ATP8A2: variants seen among roughly 807,000 people sequenced by gnomAD.
The protein encoded by ATP8A2 is phospholipid-transporting ATPase IB.
In ATP8A2, 100 loss-of-function variants were observed where a neutral mutation model predicts 165.6. That is an observed-to-expected ratio of 0.60 (90% CI 0.51 to 0.71). ATP8A2 has a LOEUF of 0.71. Ranked by LOEUF, ATP8A2 falls within the 30% of genes least tolerant of loss-of-function variation. The probability of loss-of-function intolerance (pLI) is 0.00; values close to 1 mark genes in which losing one functional copy is unlikely to be tolerated. For missense variants in ATP8A2, 1,227 were observed against 1,479.5 expected (o/e 0.83, Z 2.80); for synonymous variants, 543 against 548.8 (o/e 0.99, Z 0.15).
intron 1 of ATP8A2, among the ~76,000 whole-genome samples, chr13:25,456,820 C>G (rs938154117): frequency 4.6e-5 from 7 of 152,162 alleles, no homozygotes; most frequent in Admixed American, 2.6e-4. Context: ...TCTGCTTGAG[C>G]CTTTTTGCCT....
intron 33 of ATP8A2, among the ~76,000 whole-genome samples, chr13:25,933,389 A>G (rs1353312409): frequency 1.3e-5 from 2 of 152,222 alleles, no homozygotes; most frequent in Non-Finnish European, 2.9e-5. Flanking sequence ...CCCCAGACAT[A>G]TCACCTAATC....
chr13:25,789,690 C>T (rs556597284), intron 27 of ATP8A2, among the ~76,000 whole-genome samples: 10 of 152,154 alleles, frequency 6.6e-5, no homozygotes, highest in South Asian at 4.1e-4. Context: ...TCCTGTCAAA[C>T]GACAAGTGAC....
chr13:25,503,860 G>A (rs926633299), intron 2 of ATP8A2, among the ~76,000 whole-genome samples: 1 of 152,086 alleles, frequency 6.6e-6, no homozygotes, highest in African/African-American at 2.4e-5. Context: ...ATGTGTGTGC[G>A]CACACACTGG....
At chr13:25,409,454 A>G (rs9511787) in intron 1 of ATP8A2, among the ~76,000 whole-genome samples, 37,322 of 152,134 alleles carry the variant, frequency 0.25, 5,750 homozygotes, top group Non-Finnish European at 0.33. Flanking sequence ...AGACATGGCA[A>G]AACAGGTAAC....
At chr13:25,772,035 C>A (rs552800329) in intron 26 of ATP8A2, among the ~76,000 whole-genome samples, 24 of 152,276 alleles carry the variant, frequency 1.6e-4, no homozygotes, top group Admixed American at 1.3e-3. Flanking sequence ...GGGAAAGTTA[C>A]GAAGTGGGCA....
intron 25 of ATP8A2, among the ~76,000 whole-genome samples, chr13:25,736,823 T>C (rs552641087): frequency 6.6e-6 from 1 of 152,076 alleles, no homozygotes; most frequent in African/African-American, 2.4e-5. Context: ...TGTGAGGGGG[T>C]GTCCTGTGTG....
At chr13:25,964,566 C>G (rs541249589) in intron 34 of ATP8A2, among the ~76,000 whole-genome samples, 91 of 152,332 alleles carry the variant, frequency 6.0e-4, no homozygotes, top group African/African-American at 2.1e-3. Context: ...CTGTTGGCTT[C>G]TTCTTCCCAT....
chr13:25,543,462 G>A, intron 10 of ATP8A2, 60 bp downstream of exon 10: 1 of 1,141,548 alleles, frequency 8.8e-7, no homozygotes. Flanking sequence ...TTGACTAGAA[G>A]GTGGAAAATG....
intron 33 of ATP8A2, among the ~76,000 whole-genome samples, chr13:25,882,384 G>A (rs1208926342): frequency 6.6e-6 from 1 of 152,132 alleles, no homozygotes; most frequent in Non-Finnish European, 1.5e-5. Context: ...TTTCCAGGGG[G>A]TTACAATGAG....
chr13:25,595,884 G>A (rs1472395431), intron 24 of ATP8A2, among the ~76,000 whole-genome samples: 3 of 152,124 alleles, frequency 2.0e-5, no homozygotes. Context: ...AAGGGATTTG[G>A]ATTCATTCAA....
At chr13:25,761,159 A>G (rs545349513) in intron 25 of ATP8A2, among the ~76,000 whole-genome samples, 9 of 152,340 alleles carry the variant, frequency 5.9e-5, no homozygotes, top group African/African-American at 2.2e-4. Flanking sequence ...GGTGGATGTT[A>G]TCAAAACATA....
At chr13:25,973,704 A>G (rs1566316865) in intron 35 of ATP8A2, among the ~76,000 whole-genome samples, 1 of 152,236 alleles carries the variant, frequency 6.6e-6, no homozygotes, top group Non-Finnish European at 1.5e-5. Flanking sequence ...ACTGTTTAGT[A>G]TCATCACACC....
At chr13:25,504,295 T>G (rs754403468) in intron 2 of ATP8A2, among the ~76,000 whole-genome samples, 42 of 152,198 alleles carry the variant, frequency 2.8e-4, no homozygotes, top group Non-Finnish European at 4.4e-4. Context: ...TTTGAAGAGA[T>G]AGAACTGATT....
In ATP8A2 at chr13:25,883,418, C is replaced by CA. The variant is rs374363954; in HGVS notation, c.3183+21017dup. Among the ~76,000 whole-genome samples, 335 of 151,638 alleles carry CA rather than the reference C, an allele frequency of 2.2e-3. 1 individual carries two copies. Among genetic ancestry groups the CA allele is most frequent in the African/African-American group, 7.3e-3 (302 of 41,376 alleles). ...GGGCAACAAGAGTGAAACTCCATCT[C>CA]AAAAAAAGGAAAAAAAGGAGAAAAT... On this transcript the variant is annotated intron_variant, in intron 33 of 36. Transcript: ENST00000381655.
rs74037416 is a variant in ATP8A2, at chr13:25,737,334, C to T, written c.2385-31712C>T. Among the ~76,000 whole-genome samples the T allele has an allele frequency of 2.0e-3, 302 of 152,236 alleles. 1 individual carries two copies. Among genetic ancestry groups the T allele is most frequent in the Middle Eastern group, 0.017 (5 of 294 alleles). ...ATTTTTTACTTTAGCCACCTGGACC[C>T]CAGTTAATTCTCTTGGTGATTCTGT... On this transcript the variant is annotated intron_variant, in intron 25 of 36. Transcript: ENST00000381655.
chr13:25,705,410 A>ATC (rs2043036861), intron 25 of ATP8A2: 2 of 165,710 alleles, frequency 1.2e-5, no homozygotes, highest in African/African-American at 4.8e-5. Context: ...ACGGCTTCAC[A>ATC]TCTCTGGGCA....
intron 2 of ATP8A2, among the ~76,000 whole-genome samples, chr13:25,513,592 A>G (rs971813749): frequency 3.3e-5 from 5 of 151,984 alleles, no homozygotes; most frequent in East Asian, 3.9e-4. Flanking sequence ...GCACTTTGGG[A>G]GGCCAAGGCA....
intron 35 of ATP8A2, among the ~76,000 whole-genome samples, chr13:25,994,790 T>G (rs944162251): frequency 6.6e-6 from 1 of 152,140 alleles, no homozygotes; most frequent in African/African-American, 2.4e-5. Flanking sequence ...AATGTCAGGT[T>G]TTTTTGCATC....
At chr13:25,454,297 C>G (rs1428701315) in intron 1 of ATP8A2, among the ~76,000 whole-genome samples, 1 of 152,168 alleles carries the variant, frequency 6.6e-6, no homozygotes, top group Admixed American at 6.6e-5. Context: ...TGTCATTATT[C>G]AAATCAAACT....
Sources: allele counts gnomAD v4.1 joint callset (sites outside exome capture counted in the v4.1 genomes callset), GRCh38; gene constraint gnomAD v4.1.1; transcripts MANE v1.5; gene names NCBI Gene and HGNC (gene_info 2026-07-23, HGNC 2026-07-21).